YTHDC2: variants seen among roughly 807,000 people sequenced by gnomAD.
The protein encoded by YTHDC2 is YTH N6-methyladenosine RNA binding protein C2.
A neutral mutation model predicts 174.9 loss-of-function variants in YTHDC2; 45 were observed. The ratio of observed to expected loss-of-function variants is 0.26; its 90% CI spans 0.20 to 0.33. YTHDC2 has a LOEUF of 0.33. Among genes scored for constraint, YTHDC2 ranks in the 10% least tolerant of loss-of-function variants. The pLI is 1.00. For synonymous variants in YTHDC2, 657 were observed against 574.5 expected (o/e 1.14, Z -2.05); for missense variants, 1,650 against 1,723.7 (o/e 0.96, Z 0.76).
Position 113,561,064 on chromosome 5 carries a change from G to A in YTHDC2, c.2217-16G>A, listed in dbSNP as rs957413717. On this transcript the variant is annotated splice_polypyrimidine_tract_variant and intron_variant, in intron 17 of 29. Transcript: ENST00000161863. ...TATTCGTTGTTTGAGTCCTAATCTT[G>A]TACTTTATTTTTAAGGGCAGGGCGA... 3 of 1,590,428 alleles carry A rather than the reference G, an allele frequency of 1.9e-6. No individual in the cohort carries two copies. The highest frequency in any genetic ancestry group is 1.7e-6 in the Non-Finnish European group (2 of 1,167,162).
intron 23 of YTHDC2, among the ~76,000 whole-genome samples, chr5:113,570,510 A>G (rs1226872510): frequency 2.0e-5 from 3 of 152,124 alleles, no homozygotes; most frequent in African/African-American, 7.2e-5. Flanking sequence ...ATTTTTGCAC[A>G]TTGATTTTAT....
At chr5:113,527,291 T>G (rs1774328194) in intron 4 of YTHDC2, among the ~76,000 whole-genome samples, 1 of 152,200 alleles carries the variant, frequency 6.6e-6, no homozygotes, top group South Asian at 2.1e-4. Context: ...TAACAAATAT[T>G]AATATAAAGT....
intron 28 of YTHDC2, chr5:113,593,009 A>G (rs561017242): frequency 6.7e-5 from 14 of 207,676 alleles, no homozygotes; most frequent in Non-Finnish European, 1.2e-4. Context: ...TATGAAAAAC[A>G]AAATCCATTA....
chr5:113,545,631 G>A (rs1480833566), intron 10 of YTHDC2, among the ~76,000 whole-genome samples: 2 of 152,018 alleles, frequency 1.3e-5, no homozygotes, highest in Admixed American at 6.5e-5. Context: ...GGGCTCAAGC[G>A]ACCTGCCCAC....
rs1283302662 is a variant in YTHDC2 at position 113,526,741 on chromosome 5, G to T, written c.631G>T (p.Val211Leu). 6 of 1,552,604 alleles carry T rather than the reference G, an allele frequency of 3.9e-6. No individual in the cohort carries two copies. The highest frequency in any genetic ancestry group is 4.4e-6 in the Non-Finnish European group (5 of 1,148,148). The change falls in exon 4 of 30, where the codon GTA becomes TTA. Residue 211 changes from valine to leucine, a missense_variant. This residue lies in a region of YTHDC2 where 304 missense variants were observed against 341.4 expected (regional missense o/e 0.89). Transcript: ENST00000161863. ...EIVKIIKENK[V>L]VLIVGETGSG... Reference sequence around the variant, plus strand: ...TGTTAAAATAATTAAGGAAAATAAAGTAGTTTTGATTGTAGGAGAAACTGG... The same window carrying T: ...TGTTAAAATAATTAAGGAAAATAAATTAGTTTTGATTGTAGGAGAAACTGG...
chr5:113,578,601 A>G (rs1015211085), intron 23 of YTHDC2, among the ~76,000 whole-genome samples: 5 of 152,018 alleles, frequency 3.3e-5, no homozygotes, highest in African/African-American at 1.2e-4. Context: ...TAAAACTTAT[A>G]TTTATCTTCA....
At chr5:113,547,555 G>A (rs1314164086) in intron 10 of YTHDC2, among the ~76,000 whole-genome samples, 2 of 152,156 alleles carry the variant, frequency 1.3e-5, no homozygotes, top group African/African-American at 4.8e-5. Context: ...CTCTGGTGGG[G>A]GATGTTGATA....
intron 10 of YTHDC2, among the ~76,000 whole-genome samples, chr5:113,543,337 C>T (rs866810420): frequency 3.9e-5 from 6 of 152,312 alleles, no homozygotes; most frequent in Admixed American, 1.3e-4. Flanking sequence ...CACCTAGTTG[C>T]TAAGGCAGCA....
intron 16 of YTHDC2, among the ~76,000 whole-genome samples, chr5:113,555,236 G>T (rs1281053018): frequency 6.6e-6 from 1 of 151,816 alleles, no homozygotes. Context: ...TTAAAACATG[G>T]GTAGTGTCAA....
intron 10 of YTHDC2, among the ~76,000 whole-genome samples, chr5:113,545,516 G>T (rs1775807151): frequency 7.1e-6 from 1 of 140,892 alleles, no homozygotes; most frequent in South Asian, 2.2e-4. Flanking sequence ...CAGAGCTTTG[G>T]ATTTAGATAC....
chr5:113,574,812 C>T (rs1053474021), intron 23 of YTHDC2, among the ~76,000 whole-genome samples: 16 of 72,196 alleles, frequency 2.2e-4, no homozygotes, highest in East Asian at 3.1e-4. Flanking sequence ...AAAACTCCTA[C>T]GTTTCTGTGT....
intron 26 of YTHDC2, 92 bp downstream of exon 26, chr5:113,584,571 T>A: frequency 8.8e-7 from 1 of 1,134,760 alleles, no homozygotes; most frequent in Non-Finnish European, 1.2e-6. Flanking sequence ...TAGAGTACTT[T>A]TCTAATTGTG....
At chr5:113,526,507 G>T in intron 3 of YTHDC2, 79 bp from the exon 4 acceptor site, 2 of 1,218,754 alleles carry the variant, frequency 1.6e-6, no homozygotes, top group Non-Finnish European at 2.2e-6. Context: ...TCTAGGTTTG[G>T]CAAAAAAAAT....
rs115660473 is a variant in YTHDC2, at chr5:113,521,001, T to A, written c.279-3980T>A. 6.6e-3 allele frequency among the ~76,000 whole-genome samples: 1,012 copies of A among 152,326 alleles called. 7 individuals carry two copies. The highest frequency in any genetic ancestry group is 0.023 in the African/African-American group (943 of 41,586). On this transcript the variant is annotated intron_variant, in intron 2 of 29. Coordinates refer to ENST00000161863, the MANE Select transcript of YTHDC2 (RefSeq NM_022828.5). ...ATCATTTAGCTCCTACTTACAAATG[T>A]GAGCATGCAGTATTTGGATTTCTGT...
intron 23 of YTHDC2, among the ~76,000 whole-genome samples, chr5:113,572,245 G>C (rs1418962752): frequency 6.6e-6 from 1 of 152,192 alleles, no homozygotes; most frequent in African/African-American, 2.4e-5. Flanking sequence ...TCATTCAGGA[G>C]CAGGTTGTTC....
In YTHDC2 at chr5:113,520,832, A is replaced by G. The variant is rs557565913; in HGVS notation, c.279-4149A>G. On this transcript the variant is annotated intron_variant, in intron 2 of 29. Transcript: ENST00000161863. The stretch of plus-strand genomic sequence containing the variant: ...TTGTTACATAGGTAAGCATGAGTCA[A>G]GGGGGTTTGTTGTACAGATTATTTC... Among the ~76,000 whole-genome samples the G allele has an allele frequency of 1.6e-4, 24 of 152,276 alleles. No homozygotes were observed. The South Asian group carries it at 4.8e-3, about 30-fold the overall frequency.
chr5:113,538,923 T>G, intron 7 of YTHDC2, 151 bp from the exon 8 acceptor site: 1 of 428,122 alleles, frequency 2.3e-6, no homozygotes, highest in Non-Finnish European at 4.2e-6. Context: ...AAGTCAAAGT[T>G]ATAGTTAAAG....
chr5:113,542,260 A>G (rs1002633187), intron 9 of YTHDC2, 108 bp from the exon 10 acceptor site: 8 of 1,149,540 alleles, frequency 7.0e-6, no homozygotes, highest in Non-Finnish European at 7.5e-6. Context: ...CATTTGCTAT[A>G]TTATCATAGG....
chr5:113,516,871 G>A (rs12523145), intron 2 of YTHDC2, among the ~76,000 whole-genome samples: 84,260 of 152,050 alleles, frequency 0.55, 25,707 homozygotes, highest in East Asian at 0.76. Flanking sequence ...ACTGAGACAC[G>A]GGATTTAGTT....
Sources: allele counts gnomAD v4.1 joint callset (sites outside exome capture counted in the v4.1 genomes callset), GRCh38; gene constraint gnomAD v4.1.1; regional missense constraint gnomAD v4.1.1; transcripts MANE v1.5; gene names NCBI Gene and HGNC (gene_info 2026-07-23, HGNC 2026-07-21).